MSH3: variants seen among roughly 807,000 people sequenced by gnomAD.
MSH3 encodes DNA mismatch repair protein Msh3.
A neutral mutation model predicts 123.3 loss-of-function variants in MSH3; 106 were observed. That is an observed-to-expected ratio of 0.86 (90% CI 0.73 to 1.01). The LOEUF is 1.01. Ranked by LOEUF, MSH3 falls within the 50% of genes least tolerant of loss-of-function variation. MSH3 has a pLI of 0.00. For missense variants in MSH3, 1,459 were observed against 1,347.6 expected (o/e 1.08, Z -1.29); for synonymous variants, 515 against 481.4 (o/e 1.07, Z -0.91).
intron 19 of MSH3, among the ~76,000 whole-genome samples, chr5:80,793,123 G>C (rs1161923366): frequency 6.6e-6 from 1 of 152,214 alleles, no homozygotes; most frequent in Non-Finnish European, 1.5e-5. Flanking sequence ...TATGCAAATA[G>C]AGTTGGAATT....
Position 80,693,401 on chromosome 5 carries a change from A to G in MSH3, c.1340+14308A>G, listed in dbSNP as rs1750374929. On this transcript the variant is annotated intron_variant, in intron 8 of 23. Transcript: ENST00000265081. ...TATATGTTTATATAGATATACATGCACATGTATATGTTTATATAGATATAC... is the reference window on the plus strand; with the variant it reads ...TATATGTTTATATAGATATACATGCGCATGTATATGTTTATATAGATATAC... Among the ~76,000 whole-genome samples the G allele has an allele frequency of 1.1e-4, 7 of 65,492 alleles. 3 individuals carry two copies. In the South Asian group the frequency reaches 2.9e-3, roughly 27 times the overall value. 43.0% of individuals were successfully genotyped at this position (65,492 alleles called of 152,430 possible).
At chr5:80,765,884 G>T (rs935708776) in intron 13 of MSH3, among the ~76,000 whole-genome samples, 1 of 152,024 alleles carries the variant, frequency 6.6e-6, no homozygotes, top group Non-Finnish European at 1.5e-5. Context: ...TCTGAAAGTG[G>T]TTTTTTTGTT....
chr5:80,862,227 A>C (rs1298623299), intron 21 of MSH3, among the ~76,000 whole-genome samples: 3 of 152,160 alleles, frequency 2.0e-5, no homozygotes, highest in Non-Finnish European at 4.4e-5. Context: ...CCCTCGGGGC[A>C]GATTTTAAGC....
rs1419110508 is a variant in MSH3 at position 80,787,686 on chromosome 5, C to T, written c.2543+14C>T. The T allele has an allele frequency of 6.5e-7, 1 of 1,544,814 alleles. No homozygotes were observed. The highest frequency in any genetic ancestry group is 1.7e-5 in the Admixed American group (1 of 59,896). On this transcript the variant is annotated intron_variant, in intron 18 of 23. Transcript: ENST00000265081. ...AGATTACTGCAGGTAAGATATTTTTCATTTTCCTCTTTATCAGTGCTTTAG... is the reference window on the plus strand; with the variant it reads ...AGATTACTGCAGGTAAGATATTTTTTATTTTCCTCTTTATCAGTGCTTTAG...
chr5:80,686,748 T>TGAG (rs1172865936), intron 8 of MSH3, among the ~76,000 whole-genome samples: 14 of 152,250 alleles, frequency 9.2e-5, no homozygotes, highest in African/African-American at 3.4e-4. Context: ...AAGTAGTTTC[T>TGAG]TGTATCTCAG....
chr5:80,826,123 G>A (rs554103450), intron 20 of MSH3, among the ~76,000 whole-genome samples: 5 of 152,282 alleles, frequency 3.3e-5, no homozygotes, highest in African/African-American at 9.6e-5. Context: ...GAATCTTGGC[G>A]GTGCTAGTTA....
chr5:80,765,993 G>C (rs1744116098), intron 13 of MSH3, among the ~76,000 whole-genome samples: 1 of 152,048 alleles, frequency 6.6e-6, no homozygotes, highest in Admixed American at 6.6e-5. Flanking sequence ...TTCCTCTTCT[G>C]TTGAATTTTT....
chr5:80,687,414 G>A (rs1750118130), intron 8 of MSH3, among the ~76,000 whole-genome samples: 1 of 152,210 alleles, frequency 6.6e-6, no homozygotes. Context: ...CAAGGAAACT[G>A]ACTTTTCAGG....
intron 20 of MSH3, 82 bp from the exon 21 acceptor site, chr5:80,854,048 T>C: frequency 9.0e-7 from 1 of 1,112,790 alleles, no homozygotes; most frequent in East Asian, 2.5e-5. Flanking sequence ...TGATCTTTTA[T>C]ATTTATTGTT....
chr5:80,811,139 T>C (rs1239218857), intron 19 of MSH3, among the ~76,000 whole-genome samples: 1 of 152,152 alleles, frequency 6.6e-6, no homozygotes, highest in Non-Finnish European at 1.5e-5. Flanking sequence ...GATTTTTGAA[T>C]ACTGAAGTTG....
chr5:80,680,113 A>G (rs1749941892), intron 8 of MSH3, among the ~76,000 whole-genome samples: 1 of 151,966 alleles, frequency 6.6e-6, no homozygotes, highest in Non-Finnish European at 1.5e-5. Flanking sequence ...TACAAAAATT[A>G]GCTGGGTGTG....
intron 8 of MSH3, among the ~76,000 whole-genome samples, chr5:80,699,672 C>T (rs965422566): frequency 6.6e-6 from 1 of 151,474 alleles, no homozygotes; most frequent in African/African-American, 2.4e-5. Flanking sequence ...ACAGATGTAG[C>T]CAATTCATTT....
At chr5:80,748,024 A>G (rs1307415482) in intron 12 of MSH3, among the ~76,000 whole-genome samples, 1 of 152,190 alleles carries the variant, frequency 6.6e-6, no homozygotes, top group Non-Finnish European at 1.5e-5. Context: ...TCATCCAGAC[A>G]AATATTCTGT....
intron 20 of MSH3, among the ~76,000 whole-genome samples, chr5:80,838,834 T>C (rs1561494825): frequency 1.3e-5 from 2 of 152,342 alleles, no homozygotes; most frequent in Middle Eastern, 3.4e-3. Flanking sequence ...GTTTCTACCA[T>C]GTTTAGCTGT....
chr5:80,682,325 T>G (rs1749990860), intron 8 of MSH3, among the ~76,000 whole-genome samples: 1 of 152,130 alleles, frequency 6.6e-6, no homozygotes, highest in African/African-American at 2.4e-5. Flanking sequence ...CTCATGGGGT[T>G]GTTGTGAGGA....
In MSH3 at chr5:80,869,813, C is replaced by CAT. The variant is rs372333581; in HGVS notation, c.3131-3293_3131-3292dup. Reference sequence around the variant, plus strand: ...ATATATACATATATATACATATATACATATATATATACATATATACATATA... The same window carrying CAT: ...ATATATACATATATATACATATATACATATATATATATACATATATACATATA... On this transcript the variant is annotated intron_variant, in intron 22 of 23. Transcript: ENST00000265081. 8.1e-3 allele frequency among the ~76,000 whole-genome samples: 1,050 copies of CAT among 129,370 alleles called. 6 individuals carry two copies. The highest frequency in any genetic ancestry group is 0.024 in the East Asian group (112 of 4,744). 84.9% of individuals were successfully genotyped at this position (129,370 alleles called of 152,430 possible).
intron 20 of MSH3, 95 bp downstream of exon 20, chr5:80,813,836 C>CCTAAATGTTGAGTGCT: frequency 7.6e-7 from 1 of 1,315,956 alleles, no homozygotes; most frequent in Non-Finnish European, 1.1e-6. Flanking sequence ...TTTAGATGCT[C>CCTAAATGTTGAGTGCT]TTAAAGCACT....
intron 7 of MSH3, 96 bp from the exon 8 acceptor site, chr5:80,678,831 T>C (rs1428528247): frequency 7.4e-7 from 1 of 1,345,724 alleles, no homozygotes; most frequent in East Asian, 2.3e-5. Flanking sequence ...TACTCCTGAG[T>C]GTATCATCTT....
chr5:80,857,727 C>A (rs1342661278), intron 21 of MSH3, among the ~76,000 whole-genome samples: 1 of 152,148 alleles, frequency 6.6e-6, no homozygotes, highest in Non-Finnish European at 1.5e-5. Flanking sequence ...TCCACGGCAT[C>A]CGTAGTGTTG....
Sources: allele counts gnomAD v4.1 joint callset (sites outside exome capture counted in the v4.1 genomes callset), GRCh38; gene constraint gnomAD v4.1.1; transcripts MANE v1.5; gene names NCBI Gene and HGNC (gene_info 2026-07-23, HGNC 2026-07-21).